DIXDC1: variants seen among roughly 807,000 people sequenced by gnomAD.
DIXDC1 encodes dixin.
DIXDC1 carries 64 observed loss-of-function variants against 103.1 expected under a neutral mutation model. The ratio of observed to expected loss-of-function variants is 0.62; its 90% CI spans 0.51 to 0.76. The LOEUF (loss-of-function observed/expected upper bound fraction) is 0.76. Ranked by LOEUF, DIXDC1 falls within the 30% of genes least tolerant of loss-of-function variation. The pLI is 0.00. For synonymous variants in DIXDC1, 266 were observed against 298.5 expected (o/e 0.89, Z 1.12); for missense variants, 759 against 834.2 (o/e 0.91, Z 1.11).
At chr11:112,009,757 C>T (rs1861356347) in intron 17 of DIXDC1, among the ~76,000 whole-genome samples, 1 of 152,184 alleles carries the variant, frequency 6.6e-6, no homozygotes, top group Non-Finnish European at 1.5e-5. Flanking sequence ...CAAAATTCAA[C>T]AGCCCTTCAT....
intron 17 of DIXDC1, chr11:112,016,121 TAA>T (rs374652896): frequency 4.9e-5 from 7 of 142,376 alleles, no homozygotes; most frequent in Admixed American, 1.4e-4. Context: ...GACCCTGTCT[TAA>T]AAAAAAAAAA....
chr11:111,993,122 C>A (rs961008692), intron 12 of DIXDC1, 118 bp downstream of exon 12: 2 of 1,206,146 alleles, frequency 1.7e-6, no homozygotes, highest in Non-Finnish European at 2.3e-6. Flanking sequence ...TTTTTTTATC[C>A]TTGCTTTTTA....
upstream of DIXDC1, among the ~76,000 whole-genome samples, chr11:111,933,889 A>G (rs1029954106): frequency 6.6e-6 from 1 of 152,214 alleles, no homozygotes; most frequent in Non-Finnish European, 1.5e-5. Flanking sequence ...GTCACAGGCA[A>G]TATTTTCACC....
At chr11:111,996,701 T>C (rs1458917819) in intron 17 of DIXDC1, among the ~76,000 whole-genome samples, 1 of 151,780 alleles carries the variant, frequency 6.6e-6, no homozygotes, top group African/African-American at 2.4e-5. Context: ...AATACAAAAA[T>C]TAGCCAGGTG....
At chr11:111,992,784 C>CT (rs1312737306) in intron 11 of DIXDC1, among the ~76,000 whole-genome samples, 167 bp from the exon 12 acceptor site, 3 of 152,202 alleles carry the variant, frequency 2.0e-5, no homozygotes, top group Non-Finnish European at 4.4e-5. Flanking sequence ...GTTCTACAGT[C>CT]TAATTACTTC....
intron 1 of DIXDC1, among the ~76,000 whole-genome samples, chr11:111,949,961 G>A (rs1555169745): frequency 6.6e-6 from 1 of 151,602 alleles, no homozygotes; most frequent in Non-Finnish European, 1.5e-5. Context: ...CAATCACTTT[G>A]TGTCCGTTAT....
At chr11:111,966,218 TTTTTTTTTCC>T (rs1555171509) in intron 2 of DIXDC1, among the ~76,000 whole-genome samples, 15 of 127,728 alleles carry the variant, frequency 1.2e-4, no homozygotes, top group Non-Finnish European at 2.0e-4. Flanking sequence ...TTTTTTTTTT[TTTTTTTTTCC>T]TTTTTTTTTT....
In DIXDC1 at chr11:111,959,811, A is replaced by C. The variant is rs1292282883; in HGVS notation, c.61-4738A>C. On this transcript the variant is annotated intron_variant, in intron 1 of 19. Transcript: ENST00000440460. ...GTCTAAGATTGTTTCAGAATGAAAA[A>C]TAATACTTAGTGGTTTTGAATGACC... Among the ~76,000 whole-genome samples, 7 of 152,350 alleles carry C rather than the reference A, an allele frequency of 4.6e-5. No homozygotes were observed. The South Asian group carries it at 1.4e-3, about 32-fold the overall frequency.
Position 111,977,187 on chromosome 11 carries a change from C to G in DIXDC1, c.656+2204C>G. 3.6e-5 allele frequency: 25 copies of G among 699,906 alleles called. No homozygotes were observed. The highest frequency in any genetic ancestry group is 4.0e-5 in the Non-Finnish European group (23 of 569,252). The allele number at this position is 699,906 out of a possible 1,614,324, so 43.4% of individuals were successfully genotyped here. On this transcript the variant is annotated intron_variant, in intron 5 of 19. Transcript: ENST00000440460. The surrounding 1 kb of genome is among the most constrained non-coding windows in gnomAD (Gnocchi z 6.1). The stretch of plus-strand genomic sequence containing the variant: ...CCACCCCGCCCAGCCCCGCCCCTGG[C>G]CCGCACCCTCAACCTCCGTCCAGAG...
At chr11:111,929,996 G>C in intron 2 of DIXDC1, 1 of 1,257,510 alleles carries the variant, frequency 8.0e-7, no homozygotes, top group Non-Finnish European at 1.1e-6. Context: ...TTCTCCATCA[G>C]GACTCAGATC....
upstream of DIXDC1, among the ~76,000 whole-genome samples, chr11:111,932,581 C>T (rs587689657): frequency 2.1e-5 from 3 of 144,208 alleles, no homozygotes; most frequent in Non-Finnish European, 3.0e-5. Context: ...AGCGAGACTC[C>T]GTCTCAAAAA....
At chr11:111,927,790 G>T (rs1356027693) in intron 1 of DIXDC1, among the ~76,000 whole-genome samples, 1 of 151,988 alleles carries the variant, frequency 6.6e-6, no homozygotes, top group Non-Finnish European at 1.5e-5. Flanking sequence ...GCTGAGGCGG[G>T]CGGATCACTG....
chr11:111,928,842 G>A (rs1176495890), intron 1 of DIXDC1, among the ~76,000 whole-genome samples: 3 of 152,154 alleles, frequency 2.0e-5, no homozygotes, highest in South Asian at 2.1e-4. Context: ...ATAAGATGAT[G>A]TAGATGATAG....
intron 1 of DIXDC1, among the ~76,000 whole-genome samples, chr11:111,950,410 G>GCATATATATATATATATATATA: frequency 4.0e-5 from 1 of 25,034 alleles, no homozygotes; most frequent in Non-Finnish European, 8.0e-5. Flanking sequence ...TACAAAGTAG[G>GCATATATATATATATATATATA]TATATATATA....
chr11:111,928,863 G>A (rs1487253360), intron 1 of DIXDC1, among the ~76,000 whole-genome samples: 1 of 152,098 alleles, frequency 6.6e-6, no homozygotes, highest in Non-Finnish European at 1.5e-5. Flanking sequence ...TACTTCGTAA[G>A]CTTAAAGTGC....
Position 111,977,134 on chromosome 11 carries a change from C to T in DIXDC1, c.656+2151C>T. ...AATCTCCTCTCCTCGCATCCCCCAA[C>T]CCCTCGTCGACGTCCCCACCCCCAC... is the stretch of plus-strand genomic sequence containing the variant. On this transcript the variant is annotated intron_variant, in intron 5 of 19. Coordinates refer to ENST00000440460, the MANE Select transcript of DIXDC1 (RefSeq NM_001037954.4). This position sits in a 1 kb window ranked among gnomAD's most constrained non-coding sequence, Gnocchi z 6.1. The T allele has an allele frequency of 2.5e-6, 1 of 395,400 alleles. No homozygotes were observed. Among genetic ancestry groups the T allele is most frequent in the Non-Finnish European group, 3.4e-6 (1 of 290,116 alleles). The allele number at this position is 395,400 out of a possible 1,614,324, so 24.5% of individuals were successfully genotyped here.
intron 1 of DIXDC1, among the ~76,000 whole-genome samples, chr11:111,939,996 C>T (rs587618191): frequency 6.6e-6 from 1 of 152,316 alleles, no homozygotes; most frequent in Non-Finnish European, 1.5e-5. Flanking sequence ...CTTCATCACC[C>T]AGATGCCTTA....
At chr11:111,946,743 TG>T in intron 1 of DIXDC1, 1 of 471,798 alleles carries the variant, frequency 2.1e-6, no homozygotes, top group South Asian at 1.5e-5. Context: ...GAAGTCGGCC[TG>T]GGCACACGCC....
intron 1 of DIXDC1, among the ~76,000 whole-genome samples, chr11:111,952,677 G>A (rs1350318440): frequency 1.3e-5 from 2 of 151,944 alleles, no homozygotes; most frequent in African/African-American, 4.8e-5. Context: ...AAAGTTAGCC[G>A]GCTGTGGTGG....
Sources: gnomAD v4.1 joint callset for allele counts (sites outside exome capture counted in the v4.1 genomes callset) on GRCh38, gnomAD v4.1.1 for gene constraint, Gnocchi (gnomAD v3.1) non-coding constraint, MANE v1.5 for transcripts, NCBI Gene and HGNC (gene_info 2026-07-23, HGNC 2026-07-21) for gene names.